Variants in SNX29 observed in about 807,000 individuals in gnomAD.
SNX29 encodes the protein sorting nexin 29, also known as sorting nexin-29.
A neutral mutation model predicts 102.1 loss-of-function variants in SNX29; 78 were observed. The ratio of observed to expected loss-of-function variants is 0.76; its 90% CI spans 0.64 to 0.92. The LOEUF is 0.92. Among genes scored for constraint, SNX29 ranks in the 40% least tolerant of loss-of-function variants. The pLI, the probability that SNX29 is intolerant of heterozygous loss-of-function variation, is 0.00. For synonymous variants in SNX29, 580 were observed against 414.5 expected (o/e 1.40, Z -4.85); for missense variants, 1,280 against 1,061.7 (o/e 1.21, Z -2.86).
chr16:12,251,443 C>T (rs1327049470), intron 14 of SNX29, among the ~76,000 whole-genome samples: 3 of 152,190 alleles, frequency 2.0e-5, no homozygotes, highest in South Asian at 4.1e-4. Context: ...TGGCTCATGC[C>T]TGTAATCCCA....
chr16:12,108,666 G>A (rs886927306), intron 11 of SNX29, among the ~76,000 whole-genome samples: 2 of 152,112 alleles, frequency 1.3e-5, no homozygotes, highest in Admixed American at 1.3e-4. Flanking sequence ...GCCACAGCTG[G>A]CCATCAGGGA....
chr16:12,562,191 T>G (rs2078763851), intron 20 of SNX29, among the ~76,000 whole-genome samples: 1 of 152,094 alleles, frequency 6.6e-6, no homozygotes, highest in African/African-American at 2.4e-5. Context: ...AGCATAGGGT[T>G]CACAGAGGAG....
intron 14 of SNX29, among the ~76,000 whole-genome samples, chr16:12,241,481 A>G (rs1361391018): frequency 6.7e-6 from 1 of 149,150 alleles, no homozygotes; most frequent in Non-Finnish European, 1.5e-5. Context: ...TTTTTTGGAG[A>G]TGGAGTCTCT....
chr16:12,126,363 A>G (rs535497501), intron 11 of SNX29, among the ~76,000 whole-genome samples: 1 of 152,326 alleles, frequency 6.6e-6, no homozygotes, highest in South Asian at 2.1e-4. Flanking sequence ...CATTTTATAG[A>G]TAAGGGAGGT....
chr16:12,542,616 G>T (rs1304863815), intron 20 of SNX29, among the ~76,000 whole-genome samples: 1 of 152,234 alleles, frequency 6.6e-6, no homozygotes, highest in African/African-American at 2.4e-5. Flanking sequence ...ACAGGCGTGA[G>T]CCACGGCACC....
At chr16:12,208,964 G>A (rs1335758586) in intron 14 of SNX29, among the ~76,000 whole-genome samples, 1 of 152,134 alleles carries the variant, frequency 6.6e-6, no homozygotes, top group Non-Finnish European at 1.5e-5. Flanking sequence ...CTGGTAGAAG[G>A]TCTGTTCTGC....
chr16:12,189,380 G>A (rs575849528), intron 13 of SNX29, among the ~76,000 whole-genome samples: 1 of 152,312 alleles, frequency 6.6e-6, no homozygotes, highest in East Asian at 1.9e-4. Context: ...TGACTTTCAT[G>A]ACCTTGACGT....
intron 20 of SNX29, among the ~76,000 whole-genome samples, chr16:12,555,038 C>A (rs921317295): frequency 6.6e-6 from 1 of 151,656 alleles, no homozygotes; most frequent in Non-Finnish European, 1.5e-5. Context: ...CTGGTGCCAC[C>A]GAGCAGCCTC....
intron 19 of SNX29, among the ~76,000 whole-genome samples, chr16:12,512,401 T>A (rs1266208366): frequency 2.8e-5 from 2 of 72,724 alleles, no homozygotes; most frequent in African/African-American, 1.3e-4. Context: ...TATATATATA[T>A]ATATATATAT....
At chr16:12,549,683 T>A (rs1395307591) in intron 20 of SNX29, among the ~76,000 whole-genome samples, 1 of 152,332 alleles carries the variant, frequency 6.6e-6, no homozygotes, top group African/African-American at 2.4e-5. Context: ...GCCCGGCATC[T>A]TGATGTCGCA....
chr16:12,304,302 G>T (rs2080271676), intron 15 of SNX29, among the ~76,000 whole-genome samples: 1 of 151,636 alleles, frequency 6.6e-6, no homozygotes, highest in African/African-American at 2.4e-5. Context: ...CTTTTTTGTT[G>T]TTGTTGCACT....
At chr16:12,277,214 C>T (rs1224583974) in intron 14 of SNX29, among the ~76,000 whole-genome samples, 1 of 151,960 alleles carries the variant, frequency 6.6e-6, no homozygotes, top group East Asian at 1.9e-4. Flanking sequence ...ATGGTGAGAC[C>T]TTGTCTCTAC....
intron 18 of SNX29, among the ~76,000 whole-genome samples, chr16:12,435,351 G>T (rs1029183042): frequency 2.0e-5 from 3 of 152,180 alleles, no homozygotes; most frequent in Non-Finnish European, 1.5e-5. Flanking sequence ...CTCTAGATCA[G>T]AAAAAGATCC....
At position 12,571,781 on chromosome 16, in the gene SNX29, G is replaced by C. The variant is rs76433792; in HGVS notation, c.*3152G>C. On this transcript the variant is annotated 3_prime_UTR_variant, in exon 21 of 21. Coordinates refer to ENST00000566228, the MANE Select transcript of SNX29 (RefSeq NM_032167.5). ...CCTGATCTGAGACAGAACCTTCTCC[G>C]CCACTCTTCCTGCAATCAGTGTGAA... 5 of 1,009,104 alleles carry C rather than the reference G, an allele frequency of 5.0e-6. No homozygotes were observed. Among genetic ancestry groups the C allele is most frequent in the African/African-American group, 3.4e-5 (2 of 59,654 alleles). 62.5% of individuals were successfully genotyped at this position (1,009,104 alleles called of 1,614,324 possible).
At chr16:12,195,607 C>G (rs373697402) in intron 13 of SNX29, among the ~76,000 whole-genome samples, 1 of 152,194 alleles carries the variant, frequency 6.6e-6, no homozygotes, top group Non-Finnish European at 1.5e-5. Context: ...GAGTCTTAAC[C>G]GCCCAAGAGA....
At chr16:12,025,962 A>T (rs1193600586) in intron 3 of SNX29, among the ~76,000 whole-genome samples, 1 of 152,166 alleles carries the variant, frequency 6.6e-6, no homozygotes, top group East Asian at 1.9e-4. Flanking sequence ...TAAAATGGAG[A>T]TAATAGTACG....
At chr16:12,556,582 C>G (rs768060520) in intron 20 of SNX29, 3 of 152,180 alleles carry the variant, frequency 2.0e-5, no homozygotes, top group Admixed American at 1.3e-4. Flanking sequence ...CAGTGGGAAG[C>G]TATGGAAGGG....
At chr16:12,496,531 A>C in intron 19 of SNX29, among the ~76,000 whole-genome samples, 2 of 84,450 alleles carry the variant, frequency 2.4e-5, no homozygotes, top group South Asian at 3.8e-4. Flanking sequence ...TTTTTTTTTA[A>C]ACCTAGTCTT....
chr16:12,169,383 C>T (rs571673743), intron 13 of SNX29, among the ~76,000 whole-genome samples: 5 of 152,212 alleles, frequency 3.3e-5, no homozygotes, highest in Admixed American at 1.3e-4. Context: ...GAGCTGATCA[C>T]GGGCTTCCTT....
Sources: gnomAD v4.1 joint callset for allele counts (sites outside exome capture counted in the v4.1 genomes callset) on GRCh38, gnomAD v4.1.1 for gene constraint, MANE v1.5 for transcripts, NCBI Gene and HGNC (gene_info 2026-07-23, HGNC 2026-07-21) for gene names.